Variants in CCT7 observed in about 807,000 individuals in gnomAD.
The protein encoded by CCT7 is chaperonin containing TCP1 subunit 7, also known as T-complex protein 1 subunit eta.
Under a neutral mutation model 56.6 loss-of-function variants are expected in CCT7, and 16 were observed. The observed-to-expected ratio is 0.28, with a 90% confidence interval of 0.19 to 0.43. The LOEUF is 0.43. Ranked by LOEUF, CCT7 falls within the 20% of genes least tolerant of loss-of-function variation. The probability of loss-of-function intolerance (pLI) is 1.00; values close to 1 mark genes in which losing one functional copy is unlikely to be tolerated. For missense variants in CCT7, 519 were observed against 685.6 expected (o/e 0.76, Z 2.71); for synonymous variants, 262 against 254.8 (o/e 1.03, Z -0.27).
At chr2:73,245,288 GTTCTGTAGCTTGC>G (rs1245939511) in intron 6 of CCT7, among the ~76,000 whole-genome samples, 1 of 152,168 alleles carries the variant, frequency 6.6e-6, no homozygotes. Context: ...CTTATATAGT[GTTCTGTAGCTTGC>G]TTTTGTCCAT....
intron 3 of CCT7, among the ~76,000 whole-genome samples, chr2:73,240,744 T>C (rs1420363613): frequency 2.0e-5 from 3 of 152,198 alleles, no homozygotes; most frequent in Non-Finnish European, 4.4e-5. Flanking sequence ...CATTAATACA[T>C]TGGTGAATGA....
At chr2:73,243,745 G>A in intron 4 of CCT7, 3 of 471,750 alleles carry the variant, frequency 6.4e-6, no homozygotes, top group Non-Finnish European at 1.1e-5. Flanking sequence ...TGCAGACCCA[G>A]AGCAAAATCT....
chr2:73,244,816 T>C, intron 6 of CCT7, 101 bp downstream of exon 6: 1 of 863,554 alleles, frequency 1.2e-6, no homozygotes, highest in Non-Finnish European at 1.7e-6. Flanking sequence ...ATAAAGAGAA[T>C]GCATGTTAGG....
chr2:73,252,875 C>A lies in CCT7; in HGVS notation c.*14C>A, dbSNP rs755212684. On this transcript the variant is annotated 3_prime_UTR_variant, in exon 12 of 12. Coordinates refer to ENST00000258091, the MANE Select transcript of CCT7 (RefSeq NM_006429.4). Reference sequence around the variant, plus strand: ...CGCCCCCACTGAGAGGCACCCCACCCATCACATGGCTGGCTGGCTGCTGGG... The same window carrying A: ...CGCCCCCACTGAGAGGCACCCCACCAATCACATGGCTGGCTGGCTGCTGGG... The A allele has an allele frequency of 1.9e-6, 3 of 1,600,946 alleles. No homozygotes were observed. The highest frequency in any genetic ancestry group is 2.6e-6 in the Non-Finnish European group (3 of 1,169,882).
intron 1 of CCT7, among the ~76,000 whole-genome samples, chr2:73,238,176 C>G (rs1303547133): frequency 6.6e-6 from 1 of 152,182 alleles, no homozygotes; most frequent in African/African-American, 2.4e-5. Flanking sequence ...TCAAGTGATC[C>G]TCTTTTTTCT....
chr2:73,250,222 G>T, intron 9 of CCT7, 84 bp from the exon 10 acceptor site: 2 of 1,521,830 alleles, frequency 1.3e-6, no homozygotes, highest in Middle Eastern at 1.7e-4. Flanking sequence ...GCTGCTGAGT[G>T]TTGGGGGGGC....
chr2:73,250,550 G>A, intron 10 of CCT7, 112 bp downstream of exon 10: 1 of 1,274,220 alleles, frequency 7.8e-7, no homozygotes. Flanking sequence ...GCCCTTTCCT[G>A]GGTGGTGTGG....
chr2:73,244,198 C>G, intron 5 of CCT7, 149 bp downstream of exon 5: 1 of 791,514 alleles, frequency 1.3e-6, no homozygotes, highest in Non-Finnish European at 2.0e-6. Context: ...CCGTGTCAGG[C>G]CTTTGTCAGA....
intron 1 of CCT7, 111 bp downstream of exon 1, chr2:73,234,495 C>A: frequency 1.6e-6 from 2 of 1,286,326 alleles, no homozygotes; most frequent in Non-Finnish European, 2.2e-6. Flanking sequence ...CGCCTCTGTC[C>A]TCGCCCAGAT....
At chr2:73,240,020 G>A (rs1394081557) in intron 2 of CCT7, 8 of 474,636 alleles carry the variant, frequency 1.7e-5, no homozygotes, top group Middle Eastern at 5.3e-4. Flanking sequence ...ATAGGGAGAC[G>A]TGGCCTAGAA....
In CCT7 at chr2:73,252,701, T is replaced by C; in HGVS notation, c.1472T>C (p.Phe491Ser). 6.2e-7 allele frequency: 1 copy of C among 1,614,192 alleles called. No homozygotes were observed. The highest frequency in any genetic ancestry group is 1.1e-5 in the South Asian group (1 of 91,082). Reference protein sequence around the residue: ...NEDIADNFEAFVWEPAMVRIN... With the variant: ...NEDIADNFEASVWEPAMVRIN... Reference sequence around the variant, plus strand: ...GACATTGCTGACAACTTTGAAGCTTTCGTGTGGGAGCCAGCTATGGTGCGG... The same window carrying C: ...GACATTGCTGACAACTTTGAAGCTTCCGTGTGGGAGCCAGCTATGGTGCGG... Residue 491 changes from phenylalanine to serine, a missense_variant, in exon 12 of 12, where the codon TTC becomes TCC. Physicochemically the swap from Phe to Ser is radical, Grantham distance 155. Around this residue, in one of 3 missense-constraint regions of CCT7, gnomAD observed 237 missense variants for 300.8 expected, o/e 0.79. Transcript: ENST00000258091.
intron 2 of CCT7, 196 bp downstream of exon 2, chr2:73,239,992 T>C (rs1428499023): frequency 1.9e-6 from 1 of 529,902 alleles, no homozygotes; most frequent in Non-Finnish European, 3.3e-6. Flanking sequence ...GAACCTAGGC[T>C]CAGGAGCCTG....
intron 1 of CCT7, chr2:73,235,581 C>T (rs1222663207): frequency 2.0e-6 from 2 of 1,001,500 alleles, no homozygotes; most frequent in East Asian, 1.1e-4. Context: ...TCTTCATCTT[C>T]TGTGCAGAGG....
At chr2:73,249,944 C>G (rs1251461089) in intron 9 of CCT7, 28 bp downstream of exon 9, 2 of 1,465,448 alleles carry the variant, frequency 1.4e-6, no homozygotes, top group Admixed American at 3.3e-5. Flanking sequence ...GCCGAGCTCA[C>G]AAACCTGCCT....
At chr2:73,244,796 C>A in intron 6 of CCT7, 81 bp downstream of exon 6, 1 of 1,089,740 alleles carries the variant, frequency 9.2e-7, no homozygotes, top group Non-Finnish European at 1.3e-6. Context: ...GAGGGGTACT[C>A]ATTACAGGAA....
chr2:73,244,525 T>G lies in CCT7; in HGVS notation c.447-19T>G, dbSNP rs1018342. ...TTTGGTTTTCAAGACCTGATGCAGA[T>G]TCTGCCCTTGTGTCCCAGGGAGCAG... is the stretch of plus-strand genomic sequence containing the variant. On this transcript the variant is annotated intron_variant, in intron 5 of 11. Transcript: ENST00000258091. 0.3 allele frequency: 474,116 copies of G among 1,592,014 alleles called. 72,861 individuals carry two copies. The highest frequency in any genetic ancestry group is 0.36 in the East Asian group (16,015 of 44,576).
At chr2:73,245,278 C>T (rs1269509211) in intron 6 of CCT7, among the ~76,000 whole-genome samples, 2 of 152,128 alleles carry the variant, frequency 1.3e-5, no homozygotes, top group East Asian at 3.8e-4. Context: ...CAAAAGATTG[C>T]TTATATAGTG....
At chr2:73,236,426 C>T (rs1686887033) in intron 1 of CCT7, among the ~76,000 whole-genome samples, 1 of 152,036 alleles carries the variant, frequency 6.6e-6, no homozygotes, top group African/African-American at 2.4e-5. Flanking sequence ...ACTGCAACCT[C>T]CATTCCCAGG....
rs1321115969 is a variant in CCT7, at chr2:73,244,555, A to G, written c.458A>G (p.Lys153Arg). ...CCCTTGTGTCCCAGGGAGCAGAGGA[A>G]GCTGCTGGAAAAGTGTGCCATGACC... ...VKKADKVEQR[K>R]LLEKCAMTAL... is the part of the protein sequence containing the mutation. Residue 153 changes from lysine to arginine, a missense_variant, in exon 6 of 12, where the codon AAG becomes AGG. Coordinates refer to ENST00000258091, the MANE Select transcript of CCT7 (RefSeq NM_006429.4). 9 of 1,611,552 alleles carry G rather than the reference A, an allele frequency of 5.6e-6. No individual in the cohort carries two copies. In the East Asian group the frequency reaches 2.0e-4, roughly 36 times the overall value.
Sources: gnomAD v4.1 joint callset for allele counts (sites outside exome capture counted in the v4.1 genomes callset) on GRCh38, gnomAD v4.1.1 for gene constraint, gnomAD v4.1.1 regional missense constraint, MANE v1.5 for transcripts, NCBI Gene and HGNC (gene_info 2026-07-23, HGNC 2026-07-21) for gene names.